DLC1: variants seen among roughly 807,000 people sequenced by gnomAD.
DLC1 encodes the protein rho GTPase-activating protein 7.
In DLC1, 54 loss-of-function variants were observed where a neutral mutation model predicts 140.3. The ratio of observed to expected loss-of-function variants is 0.38; its 90% CI spans 0.31 to 0.48. The LOEUF (loss-of-function observed/expected upper bound fraction) is 0.48. Among genes scored for constraint, DLC1 ranks in the 20% least tolerant of loss-of-function variants. DLC1 has a pLI of 0.96. For missense variants in DLC1, 2,536 were observed against 1,907.0 expected (o/e 1.33, Z -6.14); for synonymous variants, 986 against 728.1 (o/e 1.35, Z -5.70).
chr8:13,503,575 C>T (rs1158718524), intron 1 of DLC1, among the ~76,000 whole-genome samples: 1 of 152,134 alleles, frequency 6.6e-6, no homozygotes, highest in Non-Finnish European at 1.5e-5. Flanking sequence ...AAAAGAAGAG[C>T]TTGATAATAA....
intron 4 of DLC1, chr8:13,342,462 G>A (rs991140233): frequency 7.2e-5 from 11 of 152,228 alleles, no homozygotes; most frequent in African/African-American, 2.4e-4. Flanking sequence ...TTTCAGATGT[G>A]ATTAGTATTT....
At chr8:13,471,888 C>T (rs893143914) in intron 2 of DLC1, among the ~76,000 whole-genome samples, 3 of 152,206 alleles carry the variant, frequency 2.0e-5, no homozygotes, top group African/African-American at 7.2e-5. Flanking sequence ...GGCTCTTCCC[C>T]AGAAGGAGAT....
chr8:13,393,746 C>T, intron 3 of DLC1, 53 bp from the exon 4 acceptor site: 3 of 1,570,402 alleles, frequency 1.9e-6, no homozygotes, highest in Non-Finnish European at 2.6e-6. Context: ...TTCCCAAATG[C>T]CCTTCTTCCT....
chr8:13,296,356 A>G (rs1831953617), intron 5 of DLC1, among the ~76,000 whole-genome samples: 1 of 152,134 alleles, frequency 6.6e-6, no homozygotes, highest in African/African-American at 2.4e-5. Flanking sequence ...GATTGAAAAT[A>G]ACATATTAAT....
chr8:13,400,488 C>T (rs1283672820), intron 3 of DLC1, among the ~76,000 whole-genome samples: 1 of 152,016 alleles, frequency 6.6e-6, no homozygotes, highest in African/African-American at 2.4e-5. Context: ...ATTATTTTGC[C>T]TATTCTGAAT....
chr8:13,178,477 C>G (rs1825867505), intron 5 of DLC1, among the ~76,000 whole-genome samples: 1 of 150,132 alleles, frequency 6.7e-6, no homozygotes, highest in African/African-American at 2.5e-5. Context: ...GAGGCTGAGG[C>G]AGGAGAATGG....
chr8:13,423,136 G>C (rs1032289929), intron 2 of DLC1, among the ~76,000 whole-genome samples: 1 of 152,056 alleles, frequency 6.6e-6, no homozygotes, highest in Non-Finnish European at 1.5e-5. Context: ...GATTTTTGCA[G>C]GTTTGCCTTG....
chr8:13,406,888 C>A (rs1487236592), intron 2 of DLC1, among the ~76,000 whole-genome samples: 2 of 152,178 alleles, frequency 1.3e-5, no homozygotes, highest in East Asian at 3.9e-4. Context: ...AAGTATTTAG[C>A]TGACTGTGAG....
At chr8:13,426,943 A>C (rs1241026073) in intron 2 of DLC1, among the ~76,000 whole-genome samples, 2 of 152,106 alleles carry the variant, frequency 1.3e-5, no homozygotes, top group Non-Finnish European at 1.5e-5. Context: ...TAATGTTGTC[A>C]AGTTTAAGCC....
chr8:13,118,004 C>CTTTTTTTTTTTTTTTTTTT (rs35775672), intron 5 of DLC1, among the ~76,000 whole-genome samples: 2 of 114,978 alleles, frequency 1.7e-5, no homozygotes, highest in Non-Finnish European at 3.6e-5. Context: ...TGTTCTCTTT[C>CTTTTTTTTTTTTTTTTTTT]TTTTTTTTTT....
At chr8:13,194,423 A>C (rs765874757) in intron 5 of DLC1, among the ~76,000 whole-genome samples, 1 of 152,186 alleles carries the variant, frequency 6.6e-6, no homozygotes, top group Non-Finnish European at 1.5e-5. Context: ...AACAGCTTGC[A>C]TTTTTGTAAA....
In DLC1 at chr8:13,579,442, A is replaced by ATTTTATATTATATATTTAATACATTATAT. The variant is rs1554547102; in HGVS notation, c.-126+25066_-126+25094dup. Among the ~76,000 whole-genome samples the ATTTTATATTATATATTTAATACATTATAT allele has an allele frequency of 1.7e-3, 126 of 73,994 alleles. 24 individuals are homozygous for ATTTTATATTATATATTTAATACATTATAT. The highest frequency in any genetic ancestry group is 2.2e-3 in the Non-Finnish European group (97 of 44,850). 48.5% of individuals were successfully genotyped at this position (73,994 alleles called of 152,430 possible). A position where few individuals can be genotyped will look rare whatever the true frequency, so the allele number is the denominator to read the frequency against. On this transcript the variant is annotated intron_variant, in intron 1 of 1. Coordinates refer to the DLC1 transcript ENST00000631382. ...TTATATTATATATTTAATACATTAT[A>ATTTTATATTATATATTTAATACATTATAT]TTTTATATTATATATTTAATACATT... is the stretch of plus-strand genomic sequence containing the variant.
At chr8:13,580,750 C>G (rs1805065760) in intron 1 of DLC1, among the ~76,000 whole-genome samples, 1 of 152,186 alleles carries the variant, frequency 6.6e-6, no homozygotes. Context: ...GCAGTATTAA[C>G]TATTTTAACT....
chr8:13,506,322 T>G (rs1343627300), intron 1 of DLC1, among the ~76,000 whole-genome samples: 3 of 151,648 alleles, frequency 2.0e-5, no homozygotes, highest in Admixed American at 2.0e-4. Context: ...AATGAACACA[T>G]GATTGACTCT....
intron 4 of DLC1, among the ~76,000 whole-genome samples, chr8:13,329,407 T>C (rs1833497719): frequency 6.6e-6 from 1 of 152,122 alleles, no homozygotes; most frequent in African/African-American, 2.4e-5. Flanking sequence ...ATATCCCTGT[T>C]GTTGATTCTG....
chr8:13,100,894 T>C, intron 8 of DLC1, 124 bp from the exon 9 acceptor site: 1 of 1,038,090 alleles, frequency 9.6e-7, no homozygotes, highest in Non-Finnish European at 1.3e-6. Context: ...TTCATGATTT[T>C]AATTTTAAAG....
chr8:13,237,656 C>A (rs987249693), intron 5 of DLC1, among the ~76,000 whole-genome samples: 1 of 152,002 alleles, frequency 6.6e-6, no homozygotes, highest in Non-Finnish European at 1.5e-5. Flanking sequence ...TATATCACTG[C>A]GCATGTTTCT....
At chr8:13,273,952 G>A (rs1048375113) in intron 5 of DLC1, among the ~76,000 whole-genome samples, 1 of 152,088 alleles carries the variant, frequency 6.6e-6, no homozygotes, top group African/African-American at 2.4e-5. Flanking sequence ...ACTATTAACA[G>A]AAGTATTCTC....
In DLC1 at chr8:13,325,631, G is replaced by A. The variant is rs759750825; in HGVS notation, c.1315-20329C>T. On this transcript the variant is annotated intron_variant, in intron 4 of 17. Coordinates refer to ENST00000276297, the MANE Select transcript of DLC1 (RefSeq NM_182643.3). The stretch of plus-strand genomic sequence containing the variant: ...GTCAACCATGGGTCTTTCATGTAAA[G>A]ACCAACCTCTGAAAACATGTGGAAA... Among the ~76,000 whole-genome samples, 5 of 152,098 alleles carry A rather than the reference G, an allele frequency of 3.3e-5. No individual in the cohort carries two copies. In the East Asian group the frequency reaches 7.7e-4, roughly 23 times the overall value.
Sources: gnomAD v4.1 joint callset for allele counts (sites outside exome capture counted in the v4.1 genomes callset) on GRCh38, gnomAD v4.1.1 for gene constraint, MANE v1.5 for transcripts, NCBI Gene and HGNC (gene_info 2026-07-23, HGNC 2026-07-21) for gene names.